The following TENM4 variants were observed in gnomAD, a reference collection of about 807,000 sequenced individuals.
TENM4 encodes the protein teneurin transmembrane protein 4.
A neutral mutation model predicts 243.3 loss-of-function variants in TENM4; 82 were observed. That is an observed-to-expected ratio of 0.34 (90% CI 0.28 to 0.40). The LOEUF (loss-of-function observed/expected upper bound fraction) is 0.40, where lower values mean the gene tolerates loss of function less well. Ranked by LOEUF, TENM4 falls within the 10% of genes least tolerant of loss-of-function variation. The pLI is 1.00. For synonymous variants in TENM4, 1,412 were observed against 1,456.3 expected, an observed-to-expected ratio of 0.97 and a Z score of 0.69; for missense variants, 3,138 against 3,673.3, an observed-to-expected ratio of 0.85 and a Z score of 3.77.
intron 4 of TENM4, among the ~76,000 whole-genome samples, chr11:79,077,168 C>T (rs1471767509): frequency 1.3e-5 from 2 of 152,182 alleles, no homozygotes; most frequent in African/African-American, 4.8e-5. Flanking sequence ...AGTTCCTACC[C>T]TCCTGTGCCA....
At chr11:79,000,079 C>A (rs1858276133) in intron 6 of TENM4, among the ~76,000 whole-genome samples, 1 of 152,168 alleles carries the variant, frequency 6.6e-6, no homozygotes, top group Admixed American at 6.5e-5. Context: ...GACTCCTCAT[C>A]TTAAACAATG....
At chr11:79,399,427 GGAA>G (rs1858410841) in intron 1 of TENM4, among the ~76,000 whole-genome samples, 1 of 152,182 alleles carries the variant, frequency 6.6e-6, no homozygotes, top group African/African-American at 2.4e-5. Context: ...CCATAGCCAA[GGAA>G]GAAGAACTGG....
Position 78,981,336 on chromosome 11 carries a change from C to T in TENM4, c.494-77813G>A, listed in dbSNP as rs537738017. 2.0e-5 allele frequency among the ~76,000 whole-genome samples: 3 copies of T among 152,330 alleles called. No individual in the cohort carries two copies. The South Asian group carries it at 6.2e-4, about 32-fold the overall frequency. ...TCCTTTTACACCCATTATCTCATTG[C>T]ATCCCCACGACAGTCCTGTGGTGGG... On this transcript the variant is annotated intron_variant, in intron 6 of 33. Coordinates refer to ENST00000278550, the MANE Select transcript of TENM4 (RefSeq NM_001098816.3).
At chr11:79,135,615 C>G (rs745589054) in intron 4 of TENM4, among the ~76,000 whole-genome samples, 5 of 150,052 alleles carry the variant, frequency 3.3e-5, no homozygotes, top group Non-Finnish European at 5.9e-5. Context: ...GCCCATCAAT[C>G]AACCAGTGGA....
chr11:79,317,753 T>C (rs1239479327), intron 1 of TENM4, among the ~76,000 whole-genome samples: 1 of 152,178 alleles, frequency 6.6e-6, no homozygotes, highest in Non-Finnish European at 1.5e-5. Flanking sequence ...TCTGCCTTAG[T>C]TTCAAACGCC....
chr11:79,196,608 C>A (rs938444899), intron 3 of TENM4, among the ~76,000 whole-genome samples: 2 of 152,168 alleles, frequency 1.3e-5, no homozygotes, highest in East Asian at 3.9e-4. Context: ...CTATCATGGA[C>A]AAGGTCTGTA....
At chr11:79,345,966 C>T (rs1857318766) in intron 1 of TENM4, among the ~76,000 whole-genome samples, 1 of 152,140 alleles carries the variant, frequency 6.6e-6, no homozygotes, top group South Asian at 2.1e-4. Context: ...AATAGATTCT[C>T]AGGTCTTTCT....
intron 2 of TENM4, among the ~76,000 whole-genome samples, chr11:79,286,394 G>A (rs1339337836): frequency 3.3e-5 from 5 of 151,374 alleles, no homozygotes; most frequent in Non-Finnish European, 7.4e-5. Flanking sequence ...GCTCATACCT[G>A]TAATTCTAGC....
At chr11:78,815,970 C>G (rs138608995) in intron 12 of TENM4, among the ~76,000 whole-genome samples, 38 of 152,362 alleles carry the variant, frequency 2.5e-4, no homozygotes, top group African/African-American at 8.2e-4. Context: ...ACAGCAGAAT[C>G]TGGGGAAATG....
chr11:79,002,670 A>G (rs940649224), intron 6 of TENM4, among the ~76,000 whole-genome samples: 6 of 152,258 alleles, frequency 3.9e-5, no homozygotes, highest in Non-Finnish European at 8.8e-5. Context: ...GCAACTTGAA[A>G]GACTGAAGGA....
intron 6 of TENM4, among the ~76,000 whole-genome samples, chr11:79,019,579 T>C (rs1241198275): frequency 6.6e-6 from 1 of 152,228 alleles, no homozygotes; most frequent in Non-Finnish European, 1.5e-5. Context: ...TTTACTTTGC[T>C]CTCTAAGTAC....
At chr11:78,756,693 G>C in intron 19 of TENM4, 112 bp downstream of exon 19, 1 of 997,138 alleles carries the variant, frequency 1.0e-6, no homozygotes, top group South Asian at 1.6e-5. Flanking sequence ...AGGAACCATG[G>C]ATGCTCTCAC....
intron 6 of TENM4, among the ~76,000 whole-genome samples, chr11:78,907,328 C>T (rs972890089): frequency 6.6e-6 from 1 of 150,376 alleles, no homozygotes; most frequent in African/African-American, 2.5e-5. Context: ...TATCCCCCGA[C>T]AAATATGCAC....
At chr11:79,103,051 C>T (rs1459631132) in intron 4 of TENM4, among the ~76,000 whole-genome samples, 4 of 152,140 alleles carry the variant, frequency 2.6e-5, no homozygotes, top group African/African-American at 7.2e-5. Flanking sequence ...GGGGTGTTCC[C>T]TGTGCTCATC....
chr11:79,007,769 C>G (rs1411673774), intron 6 of TENM4, among the ~76,000 whole-genome samples: 1 of 152,180 alleles, frequency 6.6e-6, no homozygotes, highest in Admixed American at 6.5e-5. Context: ...AATCCTCTCC[C>G]TTGCTTGGCC....
chr11:78,781,287 G>A (rs149320974), intron 16 of TENM4, among the ~76,000 whole-genome samples: 105 of 152,244 alleles, frequency 6.9e-4, no homozygotes, highest in African/African-American at 2.3e-3. Context: ...ATCAATTCCT[G>A]CATCTTTCTC....
At chr11:78,922,967 C>T (rs1441542121) in intron 6 of TENM4, among the ~76,000 whole-genome samples, 1 of 152,190 alleles carries the variant, frequency 6.6e-6, no homozygotes, top group African/African-American at 2.4e-5. Context: ...TCAGCTCCAC[C>T]AAGCACTCCT....
intron 23 of TENM4, among the ~76,000 whole-genome samples, chr11:78,725,374 T>A (rs1265249305): frequency 6.6e-6 from 1 of 152,214 alleles, no homozygotes; most frequent in Non-Finnish European, 1.5e-5. Context: ...ATTACCATAT[T>A]TAGCTGTCCC....
chr11:79,301,547 C>T (rs1327898608), intron 1 of TENM4, among the ~76,000 whole-genome samples: 1 of 152,160 alleles, frequency 6.6e-6, no homozygotes, highest in Non-Finnish European at 1.5e-5. Context: ...CAGCACATCT[C>T]ACAACTGTAC....
Sources: gnomAD v4.1 joint callset for allele counts (sites outside exome capture counted in the v4.1 genomes callset) on GRCh38, gnomAD v4.1.1 for gene constraint, MANE v1.5 for transcripts, NCBI Gene and HGNC (gene_info 2026-07-23, HGNC 2026-07-21) for gene names.